The following ZNF521 variants were observed in gnomAD, a reference collection of about 807,000 sequenced individuals.
ZNF521 encodes the protein zinc finger protein 521, also known as LYST-interacting protein 3.
In ZNF521, 14 loss-of-function variants were observed where a neutral mutation model predicts 105.5. The ratio of observed to expected loss-of-function variants is 0.13; its 90% CI spans 0.09 to 0.21. ZNF521 has a LOEUF of 0.21. Ranked by LOEUF, ZNF521 falls within the 10% of genes least tolerant of loss-of-function variation. The pLI, the probability that ZNF521 is intolerant of heterozygous loss-of-function variation, is 1.00. For missense variants in ZNF521, 1,233 were observed against 1,629.7 expected (o/e 0.76, Z 4.19); for synonymous variants, 635 against 606.0 (o/e 1.05, Z -0.70).
At chr18:25,295,948 C>T (rs1428382417) in intron 3 of ZNF521, among the ~76,000 whole-genome samples, 3 of 152,238 alleles carry the variant, frequency 2.0e-5, no homozygotes, top group Non-Finnish European at 4.4e-5. Flanking sequence ...CGTGGCAACA[C>T]TTACAATTGT....
chr18:25,287,741 G>T (rs1378572131), intron 3 of ZNF521, among the ~76,000 whole-genome samples: 1 of 152,010 alleles, frequency 6.6e-6, no homozygotes, highest in East Asian at 1.9e-4. Context: ...AAACAAATCT[G>T]CAGGAAATTT....
In ZNF521 at chr18:25,310,116, C is replaced by T. The variant is rs573701855; in HGVS notation, c.220+11892G>A. 8.6e-4 allele frequency among the ~76,000 whole-genome samples: 131 copies of T among 152,118 alleles called. 1 individual carries two copies. Among genetic ancestry groups the T allele is most frequent in the Non-Finnish European group, 1.6e-4 (11 of 67,968 alleles). On this transcript the variant is annotated intron_variant, in intron 3 of 7. Transcript: ENST00000361524. ...TCTAGTATCTCCCACAGCAGAAAAC[C>T]AACATGTCTGAGGTCATCAAAATGG...
At chr18:25,167,530 A>G (rs2035366347) in intron 5 of ZNF521, among the ~76,000 whole-genome samples, 1 of 152,174 alleles carries the variant, frequency 6.6e-6, no homozygotes, top group Non-Finnish European at 1.5e-5. Context: ...TTATTTTTGG[A>G]CAAAGGTGGA....
At chr18:25,351,660 C>T (rs903826363) in intron 1 of ZNF521, 2 of 152,880 alleles carry the variant, frequency 1.3e-5, no homozygotes, top group Non-Finnish European at 1.5e-5. Context: ...TTTTTTCTCC[C>T]TTCCCCCCAC....
At chr18:25,121,743 T>C (rs1286287016) in intron 5 of ZNF521, among the ~76,000 whole-genome samples, 1 of 151,996 alleles carries the variant, frequency 6.6e-6, no homozygotes, top group African/African-American at 2.4e-5. Flanking sequence ...GCGGAAAAAT[T>C]AGCCCTAAAT....
chr18:25,346,058 GA>G (rs1299028166), intron 2 of ZNF521, among the ~76,000 whole-genome samples: 1 of 151,942 alleles, frequency 6.6e-6, no homozygotes, highest in African/African-American at 2.4e-5. Flanking sequence ...ATCTAATCAT[GA>G]AAAAAGGGAG....
chr18:25,073,539 G>T lies in ZNF521; in HGVS notation c.3907-10798C>A, dbSNP rs2033277232. On this transcript the variant is annotated intron_variant, in intron 7 of 7. Transcript: ENST00000361524. ...ATTTAAAAACTGACTGGCAGGCTTA[G>T]GATTTAAACTCTGGTCCACCAGATT... 2.0e-5 allele frequency among the ~76,000 whole-genome samples: 3 copies of T among 152,156 alleles called. No homozygotes were observed. The South Asian group carries it at 6.2e-4, about 32-fold the overall frequency.
At chr18:25,113,713 G>A (rs2034242221) in intron 5 of ZNF521, among the ~76,000 whole-genome samples, 1 of 148,342 alleles carries the variant, frequency 6.7e-6, no homozygotes, top group African/African-American at 2.5e-5. Flanking sequence ...GCTAGAGACA[G>A]CAAATGCCTG....
intron 5 of ZNF521, among the ~76,000 whole-genome samples, chr18:25,185,484 G>A (rs939379178): frequency 1.1e-4 from 17 of 152,158 alleles, no homozygotes; most frequent in Admixed American, 2.0e-4. Flanking sequence ...GAGTAAAGAA[G>A]ATGGGAAGTA....
chr18:25,283,685 T>C (rs2144997930), intron 3 of ZNF521, among the ~76,000 whole-genome samples: 1 of 152,276 alleles, frequency 6.6e-6, no homozygotes, highest in East Asian at 1.9e-4. Flanking sequence ...CTGCTGGAAA[T>C]CGTAAATTTG....
intron 5 of ZNF521, among the ~76,000 whole-genome samples, chr18:25,169,388 G>C (rs2035407720): frequency 6.6e-6 from 1 of 152,130 alleles, no homozygotes; most frequent in Non-Finnish European, 1.5e-5. Context: ...GACTTCCTGA[G>C]GGTGGACAGC....
intron 3 of ZNF521, among the ~76,000 whole-genome samples, chr18:25,263,141 A>T (rs1169537121): frequency 6.6e-6 from 1 of 152,198 alleles, no homozygotes; most frequent in Non-Finnish European, 1.5e-5. Context: ...ATCAAAACCA[A>T]GGTCAGAATG....
chr18:25,131,003 C>CT (rs1289956994), intron 5 of ZNF521, among the ~76,000 whole-genome samples: 1 of 152,038 alleles, frequency 6.6e-6, no homozygotes, highest in African/African-American at 2.4e-5. Context: ...CAAAATATAT[C>CT]TTTTTTTCCG....
chr18:25,325,069 A>T (rs1913139242), intron 2 of ZNF521, among the ~76,000 whole-genome samples: 2 of 152,212 alleles, frequency 1.3e-5, no homozygotes, highest in African/African-American at 4.8e-5. Context: ...TTAGGTCAAC[A>T]CTTAAGAGGG....
At chr18:25,210,880 C>T (rs745932276) in intron 4 of ZNF521, among the ~76,000 whole-genome samples, 8 of 152,198 alleles carry the variant, frequency 5.3e-5, no homozygotes, top group Non-Finnish European at 1.2e-4. Context: ...CAGACATACA[C>T]AGAGGAGAAA....
intron 3 of ZNF521, among the ~76,000 whole-genome samples, chr18:25,267,418 C>T (rs912612319): frequency 2.0e-5 from 3 of 152,198 alleles, no homozygotes; most frequent in South Asian, 2.1e-4. Context: ...GCACAGCATT[C>T]GAGCTCTGAT....
chr18:25,064,419 G>T (rs2032996153), intron 7 of ZNF521, among the ~76,000 whole-genome samples: 1 of 152,220 alleles, frequency 6.6e-6, no homozygotes, highest in African/African-American at 2.4e-5. Flanking sequence ...AATGAAACAG[G>T]AATATGCAAG....
intron 1 of ZNF521, 43 bp from the exon 2 acceptor site, chr18:25,350,990 G>T (rs1206426211): frequency 6.7e-7 from 1 of 1,495,618 alleles, no homozygotes; most frequent in South Asian, 1.2e-5. Flanking sequence ...AGCCCTGAAA[G>T]AAACTATACT....
At chr18:25,121,792 A>G (rs1033827557) in intron 5 of ZNF521, among the ~76,000 whole-genome samples, 1 of 152,116 alleles carries the variant, frequency 6.6e-6, no homozygotes, top group African/African-American at 2.4e-5. Flanking sequence ...AAATATAAAT[A>G]AGGCCTCAAA....
Sources: gnomAD v4.1 joint callset for allele counts (sites outside exome capture counted in the v4.1 genomes callset) on GRCh38, gnomAD v4.1.1 for gene constraint, MANE v1.5 for transcripts, NCBI Gene and HGNC (gene_info 2026-07-23, HGNC 2026-07-21) for gene names.